Variants in C8A observed in about 807,000 individuals in gnomAD.
C8A encodes complement component C8 alpha chain.
In C8A, 67 loss-of-function variants were observed where a neutral mutation model predicts 65.3. The ratio of observed to expected loss-of-function variants is 1.03; its 90% CI spans 0.84 to 1.26. C8A has a LOEUF of 1.26. Ranked by LOEUF, C8A falls within the 50% of genes most tolerant of loss-of-function variation. The probability of loss-of-function intolerance (pLI) is 0.00; values close to 1 mark genes in which losing one functional copy is unlikely to be tolerated. For synonymous variants in C8A, 290 were observed against 259.4 expected, an observed-to-expected ratio of 1.12 and a Z score of -1.13; for missense variants, 781 against 723.9, an observed-to-expected ratio of 1.08 and a Z score of -0.90.
In C8A at chr1:56,867,634, G is replaced by A. The variant is rs201034819; in HGVS notation, c.103G>A (p.Ala35Thr). ...GAGAGTAAGACGGGCAGCTACACCC[G>A]CAGCAGTTACCTGCCAGCTGAGCAA... is the stretch of plus-strand genomic sequence containing the variant. Reference protein sequence around the residue: ...NQRVRRAATPAAVTCQLSNWS... With the variant: ...NQRVRRAATPTAVTCQLSNWS... Residue 35 changes from alanine (A) to threonine (T), a missense_variant, in exon 2 of 11, where the codon GCA becomes ACA. Ala to Thr is a moderately conservative substitution (Grantham distance 58). Transcript: ENST00000361249. 5.0e-5 allele frequency: 81 copies of A among 1,613,656 alleles called. No homozygotes were observed. The highest frequency in any genetic ancestry group is 4.7e-4 in the East Asian group (21 of 44,846).
In C8A at chr1:56,917,597, AGCTCCTGGTCTGTAT is replaced by A; in HGVS notation, c.1639_1653del (p.Ser547_Cys551del). The A allele has an allele frequency of 6.2e-7, 1 of 1,614,138 alleles. No homozygotes were observed. The highest frequency in any genetic ancestry group is 8.5e-7 in the Non-Finnish European group (1 of 1,180,026). On this transcript the variant is annotated inframe_deletion, in exon 11 of 11. Transcript: ENST00000361249. Reference sequence around the variant, plus strand: ...AGCAGATGGGAGCTGGAGTTGCTGGAGCTCCTGGTCTGTATGCAGAGCAGGCATCCAGGAAAGGAG... The same window carrying A: ...AGCAGATGGGAGCTGGAGTTGCTGGAGCAGAGCAGGCATCCAGGAAAGGAG...
At chr1:56,906,245 C>G (rs1644462991) in intron 7 of C8A, among the ~76,000 whole-genome samples, 1 of 152,030 alleles carries the variant, frequency 6.6e-6, no homozygotes, top group Non-Finnish European at 1.5e-5. Context: ...CTTGAGTAGC[C>G]TTTGGAAAGA....
intron 7 of C8A, among the ~76,000 whole-genome samples, chr1:56,891,052 A>C (rs1395603327): frequency 2.0e-5 from 3 of 152,196 alleles, no homozygotes; most frequent in African/African-American, 7.2e-5. Flanking sequence ...AATTGTGATA[A>C]AAGCCATTTA....
At chr1:56,885,357 T>TATATATTTAC (rs1557705606) in intron 6 of C8A, among the ~76,000 whole-genome samples, 1 of 84,558 alleles carries the variant, frequency 1.2e-5, no homozygotes, top group African/African-American at 5.7e-5. Flanking sequence ...TATATATTTA[T>TATATATTTAC]GTAAATATAT....
chr1:56,855,978 A>T (rs1443103919), intron 1 of C8A, among the ~76,000 whole-genome samples: 1 of 152,146 alleles, frequency 6.6e-6, no homozygotes, highest in African/African-American at 2.4e-5. Flanking sequence ...GTGTAAAGGA[A>T]ATCTCCGCCG....
intron 7 of C8A, among the ~76,000 whole-genome samples, chr1:56,895,358 T>C (rs990181399): frequency 1.2e-4 from 18 of 152,138 alleles, no homozygotes; most frequent in Admixed American, 2.6e-4. Context: ...TACTATTATA[T>C]AATCTCCAAT....
intron 7 of C8A, among the ~76,000 whole-genome samples, chr1:56,889,741 T>C (rs1644329721): frequency 6.6e-6 from 1 of 152,128 alleles, no homozygotes; most frequent in Non-Finnish European, 1.5e-5. Flanking sequence ...TCCTTGGGTT[T>C]GCTCAGATCC....
At chr1:56,867,743 A>T in intron 2 of C8A, 41 bp downstream of exon 2, 1 of 1,423,358 alleles carries the variant, frequency 7.0e-7, no homozygotes, top group Non-Finnish European at 9.9e-7. Context: ...TTCATATTTG[A>T]TATGTGTATT....
chr1:56,890,452 A>G (rs996660031), intron 7 of C8A, among the ~76,000 whole-genome samples: 1 of 152,270 alleles, frequency 6.6e-6, no homozygotes, highest in East Asian at 1.9e-4. Flanking sequence ...ATAAACAGCC[A>G]AAGTCCAAAT....
At chr1:56,863,669 A>G (rs1644055796) in intron 1 of C8A, among the ~76,000 whole-genome samples, 1 of 152,164 alleles carries the variant, frequency 6.6e-6, no homozygotes, top group African/African-American at 2.4e-5. Context: ...TTATTATTAG[A>G]ACAGTCTATT....
intron 7 of C8A, among the ~76,000 whole-genome samples, chr1:56,905,439 T>C (rs1310873621): frequency 6.6e-6 from 1 of 152,222 alleles, no homozygotes; most frequent in Non-Finnish European, 1.5e-5. Flanking sequence ...GGGGCATTCA[T>C]TTATTTACTC....
At position 56,883,477 on chromosome 1, in the gene C8A, T is replaced by C. The variant is rs76622157; in HGVS notation, c.655-4T>C. On this transcript the variant is annotated splice_polypyrimidine_tract_variant and splice_region_variant and intron_variant, in intron 5 of 10. Transcript: ENST00000361249. ...AAGCTAATATCTATCCTTTTTTTTT[T>C]CAGGCCCTGGCAGATACTGGAATCT... 2 of 1,611,168 alleles carry C rather than the reference T, an allele frequency of 1.2e-6. No individual in the cohort carries two copies. The highest frequency in any genetic ancestry group is 8.5e-7 in the Non-Finnish European group (1 of 1,177,700).
intron 9 of C8A, among the ~76,000 whole-genome samples, chr1:56,909,615 G>T (rs1644491187): frequency 6.6e-6 from 1 of 152,172 alleles, no homozygotes; most frequent in Non-Finnish European, 1.5e-5. Context: ...GAAGACTCAG[G>T]GTCATCATTT....
chr1:56,876,054 C>T lies in C8A; in HGVS notation c.317-8C>T, dbSNP rs761676057. 2 of 1,613,020 alleles carry T rather than the reference C, an allele frequency of 1.2e-6. No individual in the cohort carries two copies. Among genetic ancestry groups the T allele is most frequent in the Admixed American group, 1.7e-5 (1 of 59,922 alleles). On this transcript the variant is annotated splice_region_variant and splice_polypyrimidine_tract_variant and intron_variant, in intron 3 of 10. Coordinates refer to ENST00000361249, the MANE Select transcript of C8A (RefSeq NM_000562.3). The stretch of plus-strand genomic sequence containing the variant: ...ACCCGAGGAGCAGCCACAGTCTCTT[C>T]TCTCCAGGTCGCTGCCTGAAACGCC...
chr1:56,890,803 A>G (rs6683663), intron 7 of C8A, among the ~76,000 whole-genome samples: 45,563 of 151,926 alleles, frequency 0.3, 9,409 homozygotes, highest in African/African-American at 0.57. Context: ...CTCCTTAAGC[A>G]TCACCTTTTC....
chr1:56,903,839 G>A (rs1048494744), intron 7 of C8A, among the ~76,000 whole-genome samples: 1 of 152,166 alleles, frequency 6.6e-6, no homozygotes, highest in African/African-American at 2.4e-5. Context: ...TAGAGGTTGG[G>A]CCTAGTTACC....
At chr1:56,879,098 C>A (rs1293573970) in intron 4 of C8A, among the ~76,000 whole-genome samples, 1 of 152,162 alleles carries the variant, frequency 6.6e-6, no homozygotes, top group Non-Finnish European at 1.5e-5. Context: ...AGCTTTTACC[C>A]TGCGATGACA....
At chr1:56,888,154 A>G (rs772095301) in intron 7 of C8A, among the ~76,000 whole-genome samples, 3 of 152,128 alleles carry the variant, frequency 2.0e-5, no homozygotes, top group African/African-American at 2.4e-5. Context: ...AAATGTTAGT[A>G]TTATCTTCCT....
At chr1:56,855,830 G>A (rs1346635318) in intron 1 of C8A, among the ~76,000 whole-genome samples, 1 of 151,968 alleles carries the variant, frequency 6.6e-6, no homozygotes, top group Non-Finnish European at 1.5e-5. Flanking sequence ...GAGCAAGTGA[G>A]AATTCCTTTA....
Sources: allele counts gnomAD v4.1 joint callset (sites outside exome capture counted in the v4.1 genomes callset), GRCh38; gene constraint gnomAD v4.1.1; transcripts MANE v1.5; gene names NCBI Gene and HGNC (gene_info 2026-07-23, HGNC 2026-07-21).